NSMCE2: variants seen among roughly 807,000 people sequenced by gnomAD.
NSMCE2 encodes the protein NSE2 SUMO ligase component of SMC5/6 complex.
In NSMCE2, 24 loss-of-function variants were observed where a neutral mutation model predicts 23.8. The ratio of observed to expected loss-of-function variants is 1.01; its 90% CI spans 0.73 to 1.42. The LOEUF is 1.42. NSMCE2 is among the 40% of genes most tolerant of loss of function. The pLI is 0.00. For synonymous variants in NSMCE2, 92 were observed against 94.1 expected (o/e 0.98, Z 0.13); for missense variants, 284 against 296.5 (o/e 0.96, Z 0.31).
chr8:125,272,725 A>G (rs1362582282), intron 5 of NSMCE2, among the ~76,000 whole-genome samples: 2 of 143,928 alleles, frequency 1.4e-5, no homozygotes, highest in South Asian at 2.1e-4. Flanking sequence ...TAATATATAT[A>G]TATACACACA....
At position 125,151,153 on chromosome 8, in the gene NSMCE2, A is replaced by G. The variant is rs1436712598; in HGVS notation, c.158-18A>G. 7.2e-7 allele frequency: 1 copy of G among 1,393,106 alleles called. No individual in the cohort carries two copies. 86.3% of individuals were successfully genotyped at this position (1,393,106 alleles called of 1,614,324 possible). ...ATTTTAAATGGAAAATAATAATTGC[A>G]ATTTTTTTTTCTTTCAGCTGAAGTG... On this transcript the variant is annotated intron_variant, in intron 3 of 7. Coordinates refer to ENST00000287437, the MANE Select transcript of NSMCE2 (RefSeq NM_173685.4).
intron 5 of NSMCE2, among the ~76,000 whole-genome samples, chr8:125,191,708 G>A (rs903219627): frequency 6.6e-6 from 1 of 152,128 alleles, no homozygotes; most frequent in Non-Finnish European, 1.5e-5. Flanking sequence ...GAGAGGAGGA[G>A]GATATTTATG....
intron 5 of NSMCE2, among the ~76,000 whole-genome samples, chr8:125,301,222 G>A (rs144868184): frequency 1.9e-3 from 292 of 152,296 alleles, no homozygotes; most frequent in Middle Eastern, 0.014. Flanking sequence ...AAGGGGGCCT[G>A]AGGAAAATCA....
chr8:125,217,569 T>G (rs548124610), intron 5 of NSMCE2, among the ~76,000 whole-genome samples: 4 of 152,120 alleles, frequency 2.6e-5, no homozygotes, highest in African/African-American at 9.6e-5. Flanking sequence ...GGTTTCACTG[T>G]GTTAGCCAGG....
chr8:125,235,603 A>G (rs1199074664), intron 5 of NSMCE2, among the ~76,000 whole-genome samples: 4 of 152,218 alleles, frequency 2.6e-5, no homozygotes, highest in Admixed American at 2.6e-4. Flanking sequence ...ATACAATTCT[A>G]TGTCATTTGT....
chr8:125,170,879 A>G (rs935614320), intron 4 of NSMCE2, among the ~76,000 whole-genome samples: 2 of 152,066 alleles, frequency 1.3e-5, no homozygotes, highest in Non-Finnish European at 2.9e-5. Flanking sequence ...TCTCATCCTC[A>G]CAGCCAGAAT....
chr8:125,226,574 A>T (rs1199202647), intron 5 of NSMCE2, among the ~76,000 whole-genome samples: 1 of 151,998 alleles, frequency 6.6e-6, no homozygotes, highest in East Asian at 1.9e-4. Flanking sequence ...AGGCCTTGTG[A>T]TCCACTCGGA....
chr8:125,130,237 G>C, intron 3 of NSMCE2: 1 of 455,992 alleles, frequency 2.2e-6, no homozygotes, highest in Non-Finnish European at 4.4e-6. Context: ...GAGCACAGAG[G>C]TCAAGGGCCC....
chr8:125,296,374 A>G (rs75798766), intron 5 of NSMCE2, among the ~76,000 whole-genome samples: 178 of 149,138 alleles, frequency 1.2e-3, no homozygotes, highest in African/African-American at 3.9e-3. Context: ...CTGTAGTCAA[A>G]TTGTTGTTGC....
intron 5 of NSMCE2, among the ~76,000 whole-genome samples, chr8:125,190,457 C>T (rs771306039): frequency 6.6e-6 from 1 of 152,096 alleles, no homozygotes; most frequent in Non-Finnish European, 1.5e-5. Context: ...TGTAGCTACT[C>T]TCTCTCTTCT....
At chr8:125,178,845 A>G (rs747468822) in intron 4 of NSMCE2, among the ~76,000 whole-genome samples, 17 of 152,276 alleles carry the variant, frequency 1.1e-4, no homozygotes, top group Non-Finnish European at 2.1e-4. Context: ...AGCCTGGGCA[A>G]CAGAGTGAGA....
chr8:125,187,534 A>T (rs941803890), intron 5 of NSMCE2, among the ~76,000 whole-genome samples: 2 of 152,216 alleles, frequency 1.3e-5, no homozygotes, highest in Non-Finnish European at 2.9e-5. Flanking sequence ...CAGTTTTAAC[A>T]TCAGGAGAAC....
intron 5 of NSMCE2, among the ~76,000 whole-genome samples, chr8:125,233,858 A>C (rs1563734440): frequency 6.6e-6 from 1 of 152,016 alleles, no homozygotes; most frequent in Non-Finnish European, 1.5e-5. Context: ...CATCTAATGA[A>C]TAGATCCCTA....
At chr8:125,103,165 G>A (rs970574031) in intron 3 of NSMCE2, among the ~76,000 whole-genome samples, 1 of 152,094 alleles carries the variant, frequency 6.6e-6, no homozygotes, top group Non-Finnish European at 1.5e-5. Flanking sequence ...AATTAGCTGG[G>A]TGTGGTGGCA....
intron 5 of NSMCE2, among the ~76,000 whole-genome samples, chr8:125,235,275 T>C (rs754957356): frequency 7.2e-5 from 11 of 152,048 alleles, no homozygotes; most frequent in Non-Finnish European, 1.2e-4. Flanking sequence ...CTAAAAGCTT[T>C]TCCCAAGAGT....
chr8:125,306,622 T>A (rs1202808974), intron 5 of NSMCE2, among the ~76,000 whole-genome samples: 2 of 152,230 alleles, frequency 1.3e-5, no homozygotes, highest in African/African-American at 4.8e-5. Context: ...ACGTTTCTTT[T>A]CCACTGACCA....
At chr8:125,279,909 C>T (rs1827626512) in intron 5 of NSMCE2, among the ~76,000 whole-genome samples, 2 of 152,156 alleles carry the variant, frequency 1.3e-5, no homozygotes, top group African/African-American at 2.4e-5. Context: ...GTAACCCCAG[C>T]GCAGTCATCT....
intron 5 of NSMCE2, among the ~76,000 whole-genome samples, chr8:125,196,203 C>CTTTTTTTTT (rs59684072): frequency 1.5e-5 from 2 of 134,008 alleles, no homozygotes; most frequent in Non-Finnish European, 3.3e-5. Context: ...TTTTTTTTTT[C>CTTTTTTTTT]TTTTTTTTTT....
chr8:125,347,526 G>T (rs527410561), intron 5 of NSMCE2, among the ~76,000 whole-genome samples: 1 of 152,148 alleles, frequency 6.6e-6, no homozygotes, highest in Non-Finnish European at 1.5e-5. Context: ...ATCTATACCT[G>T]GAATTTGGTG....
Sources: allele counts gnomAD v4.1 joint callset (sites outside exome capture counted in the v4.1 genomes callset), GRCh38; gene constraint gnomAD v4.1.1; transcripts MANE v1.5; gene names NCBI Gene and HGNC (gene_info 2026-07-23, HGNC 2026-07-21).